Variants in CYP4B1 observed in about 807,000 individuals in gnomAD.
The protein encoded by CYP4B1 is cytochrome P450 4B1.
A neutral mutation model predicts 54.0 loss-of-function variants in CYP4B1; 45 were observed. The observed-to-expected ratio is 0.83, with a 90% CI of 0.66 to 1.07. The LOEUF is 1.07. CYP4B1 is among the 50% of genes least tolerant of loss of function. The pLI, the probability that CYP4B1 is intolerant of heterozygous loss-of-function variation, is 0.00. For synonymous variants in CYP4B1, 248 were observed against 247.5 expected, an observed-to-expected ratio of 1.00 and a Z score of -0.02; for missense variants, 656 against 655.4, an observed-to-expected ratio of 1.00 and a Z score of -0.01.
Position 46,799,258 on chromosome 1 carries a change from C to G in CYP4B1, c.177C>G (p.Leu59=). 5 of 1,587,716 alleles carry G rather than the reference C, an allele frequency of 3.1e-6. No homozygotes were observed. Among genetic ancestry groups the G allele is most frequent in the Non-Finnish European group, 4.3e-6 (5 of 1,166,564 alleles). The stretch of plus-strand genomic sequence containing the variant: ...CCCACTGGCTTTTTGGACATGCCCT[C>G]GAGGTATGTGGAGGTCGGGAGGGTG... ...PPTHWLFGHA[L]EIQETGSLDK... is the part of the protein sequence containing the mutation. The change falls in exon 1 of 12, where the codon CTC becomes CTG. Residue 59 remains leucine, a synonymous_variant. Coordinates refer to ENST00000371923, the MANE Select transcript of CYP4B1 (RefSeq NM_001099772.2).
At position 46,817,054 on chromosome 1, in the gene CYP4B1, T is replaced by A. The variant is rs769858126; in HGVS notation, c.1080T>A (p.Asp360Glu). Residue 360 changes from aspartate (D) to glutamate (E), a missense_variant, in exon 9 of 12, where the codon GAT becomes GAA. Physicochemically the swap from Asp to Glu is conservative, Grantham distance 45. Coordinates refer to ENST00000371923, the MANE Select transcript of CYP4B1 (RefSeq NM_001099772.2). ...LGDQDFFQWD[D>E]LGKMTYLTMC... ...CTGGTTGTGTTGCTGGCAGGGATGATCTGGGCAAAATGACTTATCTGACCA... is the reference window on the plus strand; with the variant it reads ...CTGGTTGTGTTGCTGGCAGGGATGAACTGGGCAAAATGACTTATCTGACCA... The A allele has an allele frequency of 6.2e-7, 1 of 1,613,924 alleles. No homozygotes were observed. Among genetic ancestry groups the A allele is most frequent in the South Asian group, 1.1e-5 (1 of 91,040 alleles).
intron 8 of CYP4B1, among the ~76,000 whole-genome samples, chr1:46,816,404 C>T (rs546016884): frequency 3.9e-5 from 6 of 152,046 alleles, no homozygotes; most frequent in Non-Finnish European, 8.8e-5. Flanking sequence ...TTTATTTTCA[C>T]GTCATTCCAT....
Position 46,811,022 on chromosome 1 carries a change from G to C in CYP4B1, c.322+73G>C, listed in dbSNP as rs1679078000. On this transcript the variant is annotated intron_variant, in intron 2 of 11. Coordinates refer to ENST00000371923, the MANE Select transcript of CYP4B1 (RefSeq NM_001099772.2). ...AACAAAGGGCTCAGGGCATGATATG[G>C]GGAGGAAGCCTGGGCCTGTGTACTA... 14 of 1,602,776 alleles carry C rather than the reference G, an allele frequency of 8.7e-6. No individual in the cohort carries two copies. In the South Asian group the frequency reaches 1.3e-4, roughly 15 times the overall value.
At chr1:46,817,892 G>A in intron 9 of CYP4B1, 73 bp from the exon 10 acceptor site, 1 of 1,352,672 alleles carries the variant, frequency 7.4e-7, no homozygotes, top group Admixed American at 1.7e-5. Flanking sequence ...GTCACTAGGG[G>A]ACTCTGACCT....
intron 1 of CYP4B1, among the ~76,000 whole-genome samples, chr1:46,803,075 G>A (rs980036810): frequency 3.3e-5 from 5 of 152,166 alleles, no homozygotes; most frequent in Admixed American, 1.3e-4. Flanking sequence ...GGAGGTAGAC[G>A]GGGCAGTCAC....
At chr1:46,802,784 A>G (rs1466820596) in intron 1 of CYP4B1, among the ~76,000 whole-genome samples, 1 of 152,142 alleles carries the variant, frequency 6.6e-6, no homozygotes, top group Non-Finnish European at 1.5e-5. Flanking sequence ...TGTGTTACCA[A>G]TCTTTGGGCC....
intron 3 of CYP4B1, 85 bp from the exon 4 acceptor site, chr1:46,812,411 A>G: frequency 2.0e-6 from 3 of 1,484,158 alleles, no homozygotes. Flanking sequence ...TTCCAGGCTC[A>G]GGGATGGAGT....
At chr1:46,805,466 CCTT>C in intron 1 of CYP4B1, among the ~76,000 whole-genome samples, 1 of 152,304 alleles carries the variant, frequency 6.6e-6, no homozygotes, top group East Asian at 1.9e-4. Flanking sequence ...TCTCTTTGCT[CCTT>C]CTATTGAGCT....
At chr1:46,815,765 TC>T (rs1007090832) in intron 8 of CYP4B1, among the ~76,000 whole-genome samples, 7 of 152,126 alleles carry the variant, frequency 4.6e-5, no homozygotes, top group Non-Finnish European at 2.9e-5. Flanking sequence ...TCCATTGTTT[TC>T]CCCTGTTTCT....
rs1298496815 is a variant in CYP4B1, at chr1:46,815,188, G to A, written c.997G>A (p.Ala333Thr). 1 of 1,612,180 alleles carries A rather than the reference G, an allele frequency of 6.2e-7. No homozygotes were observed. The highest frequency in any genetic ancestry group is 1.7e-5 in the Admixed American group (1 of 59,726). Residue 333 changes from alanine to threonine, a missense_variant, in exon 8 of 12, where the codon GCC (alanine) becomes ACC (threonine). Transcript: ENST00000371923. Reference sequence around the variant, plus strand: ...TATCTCCTGGTTTCTCTACTGCATGGCCCTGTACCCTGAGCACCAGCATCG... The same window carrying A: ...TATCTCCTGGTTTCTCTACTGCATGACCCTGTACCCTGAGCACCAGCATCG... Reference protein sequence around the residue: ...SGISWFLYCMALYPEHQHRCR... With the variant: ...SGISWFLYCMTLYPEHQHRCR...
At chr1:46,813,038 T>C (rs1679175073) in intron 4 of CYP4B1, among the ~76,000 whole-genome samples, 1 of 152,174 alleles carries the variant, frequency 6.6e-6, no homozygotes, top group African/African-American at 2.4e-5. Flanking sequence ...ATTATGTCAA[T>C]ACAACTCATC....
chr1:46,805,909 C>T (rs1221536577), intron 1 of CYP4B1, among the ~76,000 whole-genome samples: 1 of 152,104 alleles, frequency 6.6e-6, no homozygotes, highest in Non-Finnish European at 1.5e-5. Flanking sequence ...CCAAAGGGCA[C>T]CTAAGGGTGT....
At chr1:46,816,007 T>C (rs1679319702) in intron 8 of CYP4B1, among the ~76,000 whole-genome samples, 1 of 152,160 alleles carries the variant, frequency 6.6e-6, no homozygotes, top group Non-Finnish European at 1.5e-5. Context: ...GGGGGAACTT[T>C]AGATCCACTT....
At chr1:46,813,743 C>A in intron 5 of CYP4B1, 137 bp downstream of exon 5, 1 of 1,437,624 alleles carries the variant, frequency 7.0e-7, no homozygotes, top group African/African-American at 1.4e-5. Context: ...GGAGACAGGA[C>A]CTGCTCATGG....
chr1:46,802,513 T>G (rs950282121), intron 1 of CYP4B1, among the ~76,000 whole-genome samples: 3 of 152,230 alleles, frequency 2.0e-5, no homozygotes, highest in Non-Finnish European at 4.4e-5. Context: ...ACTGGGCAGA[T>G]AAACGTCAGG....
chr1:46,813,490 G>A lies in CYP4B1; in HGVS notation c.504G>A (p.Trp168Ter). 6.2e-7 allele frequency: 1 copy of A among 1,614,132 alleles called. No individual in the cohort carries two copies. ...TESTRIMLDK[W>*]EEKAREGKSF... is the part of the protein sequence containing the mutation. The stretch of plus-strand genomic sequence containing the variant: ...CTATCCCTGGACTCCAGGACAAGTG[G>A]GAAGAGAAAGCTCGGGAGGGTAAGT... The change falls in exon 5 of 12, where the codon TGG becomes TGA. Residue 168 changes from tryptophan (W) to a stop codon, truncating the protein, a stop_gained. Transcript: ENST00000371923. LOFTEE classifies it high-confidence loss of function.
intron 7 of CYP4B1, chr1:46,814,852 A>T (rs2148409509): frequency 1.8e-6 from 1 of 570,434 alleles, no homozygotes; most frequent in South Asian, 2.0e-5. Context: ...CAAGGTCACA[A>T]GTCATTTGGC....
chr1:46,810,689 A>T (rs1679061208), intron 1 of CYP4B1, 119 bp from the exon 2 acceptor site: 1 of 966,812 alleles, frequency 1.0e-6, no homozygotes, highest in Non-Finnish European at 1.6e-6. Flanking sequence ...GGTGCAGGAG[A>T]GGTAAGGAAG....
intron 8 of CYP4B1, 106 bp from the exon 9 acceptor site, chr1:46,816,940 CTT>C (rs1276892092): frequency 3.8e-6 from 5 of 1,321,396 alleles, no homozygotes; most frequent in Non-Finnish European, 5.4e-6. Context: ...GCCTCTGACT[CTT>C]GAGTGTGTGG....
Sources: allele counts gnomAD v4.1 joint callset (sites outside exome capture counted in the v4.1 genomes callset), GRCh38; gene constraint gnomAD v4.1.1; transcripts MANE v1.5; gene names NCBI Gene and HGNC (gene_info 2026-07-23, HGNC 2026-07-21).